SLC35F5: variants seen among roughly 807,000 people sequenced by gnomAD.
SLC35F5 encodes solute carrier family 35 member F5, also known as HCV NS5A-transactivated protein 3.
A neutral mutation model predicts 68.6 loss-of-function variants in SLC35F5; 54 were observed. The observed-to-expected ratio is 0.79, with a 90% CI of 0.63 to 0.99. The LOEUF (loss-of-function observed/expected upper bound fraction) is 0.99, where lower values mean the gene tolerates loss of function less well. Among genes scored for constraint, SLC35F5 ranks in the 50% least tolerant of loss-of-function variants. The probability of loss-of-function intolerance (pLI) is 0.00; values close to 1 mark genes in which losing one functional copy is unlikely to be tolerated. For missense variants in SLC35F5, 567 were observed against 626.9 expected (o/e 0.90, Z 1.02); for synonymous variants, 211 against 205.2 (o/e 1.03, Z -0.24).
chr2:113,746,181 T>G, intron 5 of SLC35F5, 96 bp downstream of exon 5: 1 of 898,314 alleles, frequency 1.1e-6, no homozygotes, highest in South Asian at 1.3e-5. Flanking sequence ...CATATCTATG[T>G]TGTAATACAG....
chr2:113,745,830 C>T (rs1013673984), intron 5 of SLC35F5, among the ~76,000 whole-genome samples: 7 of 152,150 alleles, frequency 4.6e-5, no homozygotes, highest in African/African-American at 7.2e-5. Context: ...CTCGCAAATA[C>T]GCACACACTC....
At chr2:113,747,133 CA>C (rs1160329016) in intron 4 of SLC35F5, among the ~76,000 whole-genome samples, 1 of 151,518 alleles carries the variant, frequency 6.6e-6, no homozygotes, top group Non-Finnish European at 1.5e-5. Flanking sequence ...CTAAAAAATG[CA>C]AAAATTAGCT....
At chr2:113,728,997 A>T (rs550049617) in intron 11 of SLC35F5, among the ~76,000 whole-genome samples, 1 of 152,350 alleles carries the variant, frequency 6.6e-6, no homozygotes, top group East Asian at 1.9e-4. Context: ...CTGCGACAGC[A>T]TTAAACATAT....
rs1347429907 is a variant in SLC35F5 at position 113,711,545 on chromosome 2, C to G, written c.*3673G>C. On this transcript the variant is annotated 3_prime_UTR_variant, in exon 16 of 16. Coordinates refer to ENST00000245680, the MANE Select transcript of SLC35F5 (RefSeq NM_025181.5). ...AATGTGGTGTCTAAAAATTGCAAGT[C>G]TATGTGAAAAATCAACCTCAATTTA... 1.3e-5 allele frequency among the ~76,000 whole-genome samples: 2 copies of G among 152,096 alleles called. No individual in the cohort carries two copies. Among genetic ancestry groups the G allele is most frequent in the South Asian group, 2.1e-4 (1 of 4,822 alleles).
chr2:113,717,603 G>A, intron 15 of SLC35F5, 150 bp downstream of exon 15: 1 of 526,340 alleles, frequency 1.9e-6, no homozygotes, highest in Non-Finnish European at 3.3e-6. Context: ...CAGCTAGTAT[G>A]TGGAGAAGAC....
At chr2:113,743,868 T>A in intron 5 of SLC35F5, 74 bp from the exon 6 acceptor site, 1 of 1,200,486 alleles carries the variant, frequency 8.3e-7, no homozygotes, top group South Asian at 1.5e-5. Context: ...AAATGGATAG[T>A]ACGTAGACAC....
intron 5 of SLC35F5, 95 bp from the exon 6 acceptor site, chr2:113,743,889 TA>T (rs748146230): frequency 4.1e-5 from 40 of 966,960 alleles, no homozygotes; most frequent in Non-Finnish European, 5.5e-5. Flanking sequence ...AAATACCATC[TA>T]AAACGTGGTT....
At chr2:113,719,007 ATTATT>A (rs1687318508) in intron 14 of SLC35F5, 142 bp downstream of exon 14, 1 of 586,342 alleles carries the variant, frequency 1.7e-6, no homozygotes, top group Admixed American at 4.1e-5. Flanking sequence ...ATCTAAACCA[ATTATT>A]TTATTTTCAT....
chr2:113,705,550 T>TAA (rs373794076), downstream of SLC35F5: 572 of 145,530 alleles, frequency 3.9e-3, 1 homozygote, highest in Non-Finnish European at 6.1e-3. Context: ...AGATTCCATC[T>TAA]AAAAAAAAAA....
At position 113,756,357 on chromosome 2, in the gene SLC35F5, C is replaced by G. The variant is rs757891236; in HGVS notation, c.40+13G>C. On this transcript the variant is annotated intron_variant, in intron 1 of 15. Coordinates refer to ENST00000245680, the MANE Select transcript of SLC35F5 (RefSeq NM_025181.5). ...GGCTCCGGTGATGTCGGGGCCCTTC[C>G]CTGCCTGCCTACCTGGCCTTCCTGC... is the stretch of plus-strand genomic sequence containing the variant. The G allele has an allele frequency of 1.3e-6, 2 of 1,571,038 alleles. No individual in the cohort carries two copies. Among genetic ancestry groups the G allele is most frequent in the Non-Finnish European group, 1.7e-6 (2 of 1,158,790 alleles).
At position 113,750,518 on chromosome 2, in the gene SLC35F5, T is replaced by A; in HGVS notation, c.324A>T (p.Thr108=). The change falls in exon 4 of 16, where the codon ACA becomes ACT. Residue 108 remains threonine, a synonymous_variant. Transcript: ENST00000245680. ...CCAAAAGGTACAAAACAAACATAGATGTTTTTGCAAAGGTGCTGAAGAATG... is the reference window on the plus strand; with the variant it reads ...CCAAAAGGTACAAAACAAACATAGAAGTTTTTGCAAAGGTGCTGAAGAATG... ...NKPFFSTFAK[T]SMFVLYLLGF... is the part of the protein sequence containing the mutation. The A allele has an allele frequency of 1.2e-6, 2 of 1,613,654 alleles. No individual in the cohort carries two copies. The highest frequency in any genetic ancestry group is 1.7e-6 in the Non-Finnish European group (2 of 1,179,800).
intron 11 of SLC35F5, chr2:113,725,772 G>A (rs1687637940): frequency 2.7e-6 from 1 of 377,188 alleles, no homozygotes; most frequent in Non-Finnish European, 4.8e-6. Context: ...TTGTATGGGA[G>A]CAACTACTAT....
chr2:113,717,856 G>C lies in SLC35F5; in HGVS notation c.1497-6C>G. On this transcript the variant is annotated splice_region_variant and splice_polypyrimidine_tract_variant and intron_variant, in intron 14 of 15. Transcript: ENST00000245680. The stretch of plus-strand genomic sequence containing the variant: ...GTTCGCTGTCTTCTGGAACTCTTAA[G>C]AAAAAAAAAAGCAGTAATTAAGGAA... 1 of 1,434,010 alleles carries C rather than the reference G, an allele frequency of 7.0e-7. No homozygotes were observed. The highest frequency in any genetic ancestry group is 9.4e-7 in the Non-Finnish European group (1 of 1,064,220). The allele number at this position is 1,434,010 out of a possible 1,614,324, so 88.8% of individuals were successfully genotyped here. A position where few individuals can be genotyped will look rare whatever the true frequency, so the allele number is the denominator to read the frequency against.
At chr2:113,742,536 G>T in intron 7 of SLC35F5, 156 bp downstream of exon 7, 1 of 683,380 alleles carries the variant, frequency 1.5e-6, no homozygotes, top group Non-Finnish European at 2.4e-6. Context: ...TATTAATTTT[G>T]ATACCCTAAC....
At position 113,710,487 on chromosome 2, in the gene SLC35F5, T is replaced by G. The variant is rs757377982; in HGVS notation, c.*4731A>C. ...GCTCATGCCTGTAATCCCAGCACTT[T>G]GGGAGGCCAGGGCGGGCAGATTACT... On this transcript the variant is annotated 3_prime_UTR_variant, in exon 16 of 16. Coordinates refer to ENST00000245680, the MANE Select transcript of SLC35F5 (RefSeq NM_025181.5). Among the ~76,000 whole-genome samples the G allele has an allele frequency of 1.3e-5, 2 of 152,166 alleles. No homozygotes were observed. Among genetic ancestry groups the G allele is most frequent in the African/African-American group, 2.4e-5 (1 of 41,446 alleles).
intron 3 of SLC35F5, among the ~76,000 whole-genome samples, chr2:113,751,350 T>C (rs775575853): frequency 2.0e-5 from 3 of 152,196 alleles, no homozygotes; most frequent in Non-Finnish European, 4.4e-5. Context: ...TTTTTTTGTT[T>C]GTTTGTTTGT....
chr2:113,755,605 C>T (rs1335017893), intron 1 of SLC35F5, 61 bp from the exon 2 acceptor site: 2 of 1,461,070 alleles, frequency 1.4e-6, no homozygotes, highest in Non-Finnish European at 9.5e-7. Flanking sequence ...AGATTCATCA[C>T]ATCGTTTTTT....
rs761827967 is a variant in SLC35F5, at chr2:113,731,570, A to C, written c.985+14T>G. 6.2e-7 allele frequency: 1 copy of C among 1,605,618 alleles called. No individual in the cohort carries two copies. Among genetic ancestry groups the C allele is most frequent in the Non-Finnish European group, 8.5e-7 (1 of 1,173,002 alleles). On this transcript the variant is annotated intron_variant, in intron 10 of 15. Transcript: ENST00000245680. ...ATTTACTCTAACAGAGAGAATCCAG[A>C]GTCCAGTACTTACCTACTGTGTCTC... is the stretch of plus-strand genomic sequence containing the variant.
rs1687325553 is a variant in SLC35F5 at position 113,719,177 on chromosome 2, T to C, written c.1473A>G (p.Ile491Met). Residue 491 changes from isoleucine to methionine, a missense_variant, in exon 14 of 16, where the codon ATA becomes ATG. Transcript: ENST00000245680. Reference sequence around the variant, plus strand: ...ACCTCTGAATTCGATGTTTTCTGCATATAAAAGCAAATATTCTTCTGATTC... The same window carrying C: ...ACCTCTGAATTCGATGTTTTCTGCACATAAAAGCAAATATTCTTCTGATTC... ...MVGIRRIFAFICRKHRIQRVP... is the reference protein window; with the variant it reads ...MVGIRRIFAFMCRKHRIQRVP... The C allele has an allele frequency of 1.2e-6, 2 of 1,607,174 alleles. No homozygotes were observed.
Sources: allele counts gnomAD v4.1 joint callset (sites outside exome capture counted in the v4.1 genomes callset), GRCh38; gene constraint gnomAD v4.1.1; transcripts MANE v1.5; gene names NCBI Gene and HGNC (gene_info 2026-07-23, HGNC 2026-07-21).